The following RIT2 variants were observed in gnomAD, a reference collection of about 807,000 sequenced individuals.
RIT2 encodes the protein Ras like without CAAX 2, also known as GTP-binding protein Rit2.
Under a neutral mutation model 23.7 loss-of-function variants are expected in RIT2, and 24 were observed. The observed-to-expected ratio is 1.01, with a 90% CI of 0.73 to 1.43. The LOEUF (loss-of-function observed/expected upper bound fraction) is 1.43. Ranked by LOEUF, RIT2 falls within the 40% of genes most tolerant of loss-of-function variation. RIT2 has a pLI of 0.00. For missense variants in RIT2, 236 were observed against 266.9 expected, an observed-to-expected ratio of 0.88 and a Z score of 0.81; for synonymous variants, 107 against 91.1, an observed-to-expected ratio of 1.17 and a Z score of -0.99.
chr18:42,905,860 T>C (rs1908600036), intron 4 of RIT2, among the ~76,000 whole-genome samples: 1 of 148,806 alleles, frequency 6.7e-6, no homozygotes, highest in Admixed American at 6.8e-5. Flanking sequence ...TAAAACAGAG[T>C]CCAGGTAGGT....
intron 1 of RIT2, among the ~76,000 whole-genome samples, chr18:43,083,239 C>T (rs1913200480): frequency 6.6e-6 from 1 of 152,096 alleles, no homozygotes. Context: ...AGGACACAAA[C>T]AAATGGAAAA....
At chr18:42,847,027 G>T (rs955760437) in intron 4 of RIT2, among the ~76,000 whole-genome samples, 1 of 151,978 alleles carries the variant, frequency 6.6e-6, no homozygotes, top group Non-Finnish European at 1.5e-5. Context: ...GGTTACATAC[G>T]CCTCTTTCTC....
At chr18:42,768,837 C>T (rs979973030) in intron 4 of RIT2, among the ~76,000 whole-genome samples, 1 of 152,064 alleles carries the variant, frequency 6.6e-6, no homozygotes, top group Non-Finnish European at 1.5e-5. Flanking sequence ...TCACTGCTTG[C>T]CCTGAAGGCC....
intron 4 of RIT2, among the ~76,000 whole-genome samples, chr18:42,893,708 C>A (rs757760008): frequency 6.6e-6 from 1 of 152,014 alleles, no homozygotes; most frequent in Non-Finnish European, 1.5e-5. Flanking sequence ...TTTATATGTT[C>A]CTGTTAATAT....
intron 4 of RIT2, among the ~76,000 whole-genome samples, chr18:42,815,267 A>G (rs977450794): frequency 1.3e-5 from 2 of 152,340 alleles, no homozygotes; most frequent in African/African-American, 4.8e-5. Flanking sequence ...GATAGCATCA[A>G]TAAAGAACAG....
intron 1 of RIT2, among the ~76,000 whole-genome samples, chr18:43,068,074 T>C (rs990442503): frequency 6.6e-6 from 1 of 152,208 alleles, no homozygotes; most frequent in Non-Finnish European, 1.5e-5. Context: ...GTAAATGCTA[T>C]GACCTGGAAA....
chr18:42,875,637 AT>A (rs1382109766), intron 4 of RIT2, among the ~76,000 whole-genome samples: 3 of 152,048 alleles, frequency 2.0e-5, no homozygotes, highest in East Asian at 3.9e-4. Context: ...TGCAAATAGA[AT>A]ATAATTGGAA....
At chr18:42,893,621 T>C (rs1908242587) in intron 4 of RIT2, among the ~76,000 whole-genome samples, 1 of 152,192 alleles carries the variant, frequency 6.6e-6, no homozygotes, top group South Asian at 2.1e-4. Flanking sequence ...CTTTCTAATT[T>C]TAGGATCTTA....
chr18:43,074,122 C>T (rs1912958618), intron 1 of RIT2, among the ~76,000 whole-genome samples: 1 of 152,094 alleles, frequency 6.6e-6, no homozygotes, highest in Non-Finnish European at 1.5e-5. Context: ...AGTAACTTTA[C>T]TAAATAATCT....
intron 4 of RIT2, among the ~76,000 whole-genome samples, chr18:42,846,733 A>G (rs2144031050): frequency 6.6e-6 from 1 of 152,286 alleles, no homozygotes; most frequent in East Asian, 1.9e-4. Context: ...GTTATTATTC[A>G]TTAATGTAAA....
At chr18:42,852,588 A>T (rs1051455830) in intron 4 of RIT2, among the ~76,000 whole-genome samples, 2 of 152,160 alleles carry the variant, frequency 1.3e-5, no homozygotes, top group African/African-American at 4.8e-5. Context: ...AACTAAATGG[A>T]AGTGGAAGTC....
intron 4 of RIT2, among the ~76,000 whole-genome samples, chr18:42,793,509 G>T (rs1355725838): frequency 6.6e-6 from 1 of 152,082 alleles, no homozygotes; most frequent in South Asian, 2.1e-4. Context: ...TAAGGAAAAG[G>T]TCTCATTAAG....
At chr18:42,753,487 G>T (rs1159789310) in intron 4 of RIT2, among the ~76,000 whole-genome samples, 2 of 152,132 alleles carry the variant, frequency 1.3e-5, no homozygotes, top group African/African-American at 2.4e-5. Context: ...AATCTTAGTG[G>T]TTATGCCTAC....
chr18:42,948,092 T>G (rs1335082544), intron 3 of RIT2, among the ~76,000 whole-genome samples: 1 of 152,088 alleles, frequency 6.6e-6, no homozygotes, highest in Non-Finnish European at 1.5e-5. Flanking sequence ...ACACCATACC[T>G]CCTACCGTTC....
intron 1 of RIT2, among the ~76,000 whole-genome samples, chr18:43,100,362 G>A (rs188859575): frequency 6.6e-6 from 1 of 152,158 alleles, no homozygotes; most frequent in African/African-American, 2.4e-5. Flanking sequence ...TGATATTTCT[G>A]AAGTAGAGAG....
intron 1 of RIT2, among the ~76,000 whole-genome samples, chr18:43,111,660 C>A (rs1413193562): frequency 6.6e-6 from 1 of 152,180 alleles, no homozygotes; most frequent in East Asian, 1.9e-4. Context: ...ATTATTACCT[C>A]TAGTCCTCAT....
At chr18:42,867,906 A>C (rs1598691051) in intron 4 of RIT2, among the ~76,000 whole-genome samples, 1 of 152,376 alleles carries the variant, frequency 6.6e-6, no homozygotes, top group East Asian at 1.9e-4. Flanking sequence ...CAATTAAATC[A>C]GAATTTCTGG....
At chr18:42,829,610 A>T (rs1301632795) in intron 4 of RIT2, among the ~76,000 whole-genome samples, 1 of 152,064 alleles carries the variant, frequency 6.6e-6, no homozygotes, top group Non-Finnish European at 1.5e-5. Flanking sequence ...GTTAGATGGG[A>T]CTCTCTCAAA....
chr18:42,898,256 T>C (rs986569329), intron 4 of RIT2, among the ~76,000 whole-genome samples: 1 of 151,976 alleles, frequency 6.6e-6, no homozygotes, highest in African/African-American at 2.4e-5. Context: ...TAGCTAAGCG[T>C]GGTGGCGGGT....
Sources: allele counts gnomAD v4.1 joint callset (sites outside exome capture counted in the v4.1 genomes callset), GRCh38; gene constraint gnomAD v4.1.1; transcripts MANE v1.5; gene names NCBI Gene and HGNC (gene_info 2026-07-23, HGNC 2026-07-21).